Variants in GFM1 observed in about 807,000 individuals in gnomAD.
GFM1 encodes the protein G elongation factor mitochondrial 1.
A neutral mutation model predicts 96.2 loss-of-function variants in GFM1; 62 were observed. That is an observed-to-expected ratio of 0.64 (90% CI 0.53 to 0.80). GFM1 has a LOEUF of 0.80. GFM1 is among the 30% of genes least tolerant of loss of function. GFM1 has a pLI of 0.00. For missense variants in GFM1, 852 were observed against 916.6 expected (o/e 0.93, Z 0.91); for synonymous variants, 282 against 312.9 (o/e 0.90, Z 1.04).
intron 13 of GFM1, among the ~76,000 whole-genome samples, chr3:158,678,600 C>T (rs1725100939): frequency 6.6e-6 from 1 of 152,160 alleles, no homozygotes; most frequent in African/African-American, 2.4e-5. Context: ...CATGTTCAAA[C>T]TTGAACAGAT....
rs1020247278 is a variant in GFM1 at position 158,693,179 on chromosome 3, T to C, written c.*1712T>C. The stretch of plus-strand genomic sequence containing the variant: ...TCACCAAGTGCATTTCCCCCATGAA[T>C]GTCTGTTGCTACAGTAGCATCAGGT... On this transcript the variant is annotated 3_prime_UTR_variant, in exon 18 of 18. Coordinates refer to ENST00000486715, the MANE Select transcript of GFM1 (RefSeq NM_024996.7). 4 of 152,214 alleles carry C rather than the reference T, an allele frequency of 2.6e-5. No homozygotes were observed. The highest frequency in any genetic ancestry group is 6.5e-5 in the Admixed American group (1 of 15,276). The allele number at this position is 152,214 out of a possible 1,614,324, so 9.4% of individuals were successfully genotyped here. A position where few individuals can be genotyped will look rare whatever the true frequency, so the allele number is the denominator to read the frequency against.
At chr3:158,666,200 C>A (rs1288757142) in intron 12 of GFM1, 104 bp from the exon 13 acceptor site, 1 of 774,148 alleles carries the variant, frequency 1.3e-6, no homozygotes, top group Admixed American at 2.2e-5. Flanking sequence ...ATTTGTTTAT[C>A]TATTATATTT....
rs1485460114 is a variant in GFM1 at position 158,665,351 on chromosome 3, A to AT, written c.1399dup (p.Ser467PhefsTer15). 1 of 1,610,312 alleles carries AT rather than the reference A, an allele frequency of 6.2e-7. No individual in the cohort carries two copies. Among genetic ancestry groups the AT allele is most frequent in the East Asian group, 2.2e-5 (1 of 44,770 alleles). On this transcript the variant is annotated frameshift_variant, in exon 12 of 18. Coordinates refer to ENST00000486715, the MANE Select transcript of GFM1 (RefSeq NM_024996.7). LOFTEE classifies it high-confidence loss of function. Reference sequence around the variant, plus strand: ...TTCTTTTAAAGAACGATCTGGAAAAATTTTCAAAAGGTATTGGCAGGTTTA... The same window carrying AT: ...TTCTTTTAAAGAACGATCTGGAAAAATTTTTCAAAAGGTATTGGCAGGTTTA...
intron 16 of GFM1, 153 bp downstream of exon 16, chr3:158,690,476 T>G: frequency 1.4e-6 from 1 of 710,692 alleles, no homozygotes; most frequent in Non-Finnish European, 2.5e-6. Flanking sequence ...AAGCAACTCT[T>G]AAGTGCAGAA....
At chr3:158,650,926 C>A (rs917575340) in intron 5 of GFM1, 3 of 142,158 alleles carry the variant, frequency 2.1e-5, no homozygotes, top group Admixed American at 1.5e-4. Flanking sequence ...GAGGCTGAGG[C>A]AGGAGAATCT....
chr3:158,686,039 T>G (rs1725806634), intron 15 of GFM1, among the ~76,000 whole-genome samples: 1 of 151,746 alleles, frequency 6.6e-6, no homozygotes, highest in Non-Finnish European at 1.5e-5. Context: ...ACAAGGAGCT[T>G]CATCCTTTTT....
chr3:158,672,553 G>C, intron 13 of GFM1: 1 of 1,577,498 alleles, frequency 6.3e-7, no homozygotes, highest in Non-Finnish European at 8.7e-7. Flanking sequence ...CGCCCGTCCT[G>C]CTTGCTGCTG....
At chr3:158,671,837 T>G (rs1268174808) in intron 13 of GFM1, among the ~76,000 whole-genome samples, 1 of 152,252 alleles carries the variant, frequency 6.6e-6, no homozygotes, top group African/African-American at 2.4e-5. Context: ...AAGGCCAGCG[T>G]CAGCCCACAG....
In GFM1 at chr3:158,653,430, T is replaced by C. The variant is rs959808171; in HGVS notation, c.961T>C (p.Ser321Pro). Reference protein sequence around the residue: ...DAVLEYLPNPSEVQNYAILNK... With the variant: ...DAVLEYLPNPPEVQNYAILNK... ...TGTTTTAGAATACCTCCCAAATCCATCTGAAGTCCAGAACTATGCTATTCT... is the reference window on the plus strand; with the variant it reads ...TGTTTTAGAATACCTCCCAAATCCACCTGAAGTCCAGAACTATGCTATTCT... Residue 321 changes from serine (S) to proline (P), a missense_variant, in exon 7 of 18, where the codon TCT (serine) becomes CCT (proline). Transcript: ENST00000486715. 4 of 1,613,434 alleles carry C rather than the reference T, an allele frequency of 2.5e-6. No individual in the cohort carries two copies. The highest frequency in any genetic ancestry group is 3.4e-6 in the Non-Finnish European group (4 of 1,179,444).
At chr3:158,670,322 G>C (rs1276595237) in intron 13 of GFM1, among the ~76,000 whole-genome samples, 1 of 152,184 alleles carries the variant, frequency 6.6e-6, no homozygotes, top group Non-Finnish European at 1.5e-5. Context: ...ATATCTAAGA[G>C]CACGTTCTTT....
chr3:158,646,548 G>A (rs911930051), intron 3 of GFM1, among the ~76,000 whole-genome samples, 195 bp from the exon 4 acceptor site: 2 of 152,184 alleles, frequency 1.3e-5, no homozygotes, highest in Non-Finnish European at 2.9e-5. Context: ...AAAGGTGCCT[G>A]TGCCCTAGTA....
intron 15 of GFM1, among the ~76,000 whole-genome samples, chr3:158,688,652 G>C (rs932718400): frequency 6.6e-6 from 1 of 152,228 alleles, no homozygotes; most frequent in Admixed American, 6.5e-5. Flanking sequence ...TTGTAAAGAA[G>C]TTATGCAAGG....
chr3:158,690,508 A>T, intron 16 of GFM1, 185 bp downstream of exon 16: 4 of 602,244 alleles, frequency 6.6e-6, no homozygotes, highest in Middle Eastern at 4.2e-4. Flanking sequence ...GATTTATTTT[A>T]TCTTGACCTT....
rs1314096195 is a variant in GFM1 at position 158,646,902 on chromosome 3, T to A, written c.527T>A (p.Leu176Ter). ...NVPFLTFINKLDRMGSNPARA... is the reference protein window; with the variant it reads ...NVPFLTFINK Reference sequence around the variant, plus strand: ...CCGTTTCTAACTTTTATTAACAAATTGGACCGAATGGGCTCCAACCCAGCC... The same window carrying A: ...CCGTTTCTAACTTTTATTAACAAATAGGACCGAATGGGCTCCAACCCAGCC... Residue 176 changes from leucine to a stop codon, truncating the protein, a stop_gained, in exon 4 of 18, where the codon TTG (leucine) becomes TAG (stop). Transcript: ENST00000486715. LOFTEE classifies it high-confidence loss of function. 1 of 1,613,994 alleles carries A rather than the reference T, an allele frequency of 6.2e-7. No individual in the cohort carries two copies. Among genetic ancestry groups the A allele is most frequent in the African/African-American group, 1.3e-5 (1 of 74,904 alleles).
rs1576799547 is a variant in GFM1, at chr3:158,690,300, G to A, written c.2047G>A (p.Asp683Asn). 3 of 1,613,994 alleles carry A rather than the reference G, an allele frequency of 1.9e-6. No homozygotes were observed. The change falls in exon 16 of 18, where the codon GAC (aspartate) becomes AAC (asparagine). Residue 683 changes from aspartate to asparagine, a missense_variant. By Grantham distance (23) the Asp-to-Asn change is conservative. Transcript: ENST00000486715. ...AATCACTGGGCAAGATGGAGTTGAG[G>A]ACTATTTTACACTGTATGCAGATGT... ...GVITGQDGVE[D>N]YFTLYADVPL... is the part of the protein sequence containing the mutation.
At chr3:158,670,812 G>A in intron 13 of GFM1, 1 of 1,202,752 alleles carries the variant, frequency 8.3e-7, no homozygotes, top group East Asian at 3.7e-5. Context: ...ATGCACCTGT[G>A]GTCCCAGCTA....
chr3:158,685,717 A>G (rs1486767542), intron 15 of GFM1, among the ~76,000 whole-genome samples: 1 of 152,188 alleles, frequency 6.6e-6, no homozygotes, highest in Non-Finnish European at 1.5e-5. Context: ...GTTGAAATTT[A>G]TGATGTAGAA....
intron 8 of GFM1, chr3:158,656,383 C>T: frequency 6.4e-6 from 1 of 157,470 alleles, no homozygotes; most frequent in Admixed American, 6.3e-5. Flanking sequence ...GAACTCCTGA[C>T]CTCAGGTGAT....
At chr3:158,649,284 G>C (rs1456477377) in intron 5 of GFM1, 127 bp downstream of exon 5, 1 of 604,084 alleles carries the variant, frequency 1.7e-6, no homozygotes, top group Admixed American at 2.6e-5. Context: ...ACTCTGAGAT[G>C]GTTTTGTTTT....
Sources: gnomAD v4.1 joint callset for allele counts (sites outside exome capture counted in the v4.1 genomes callset) on GRCh38, gnomAD v4.1.1 for gene constraint, MANE v1.5 for transcripts, NCBI Gene and HGNC (gene_info 2026-07-23, HGNC 2026-07-21) for gene names.